Variants in GATB observed in about 807,000 individuals in gnomAD.
The protein encoded by GATB is glutamyl-tRNA(Gln) amidotransferase subunit B, mitochondrial.
In GATB, 39 loss-of-function variants were observed where a neutral mutation model predicts 62.3. The ratio of observed to expected loss-of-function variants is 0.63; its 90% CI spans 0.48 to 0.82. GATB has a LOEUF of 0.82. GATB is among the 40% of genes least tolerant of loss of function. GATB has a pLI of 0.00. For missense variants in GATB, 670 were observed against 684.0 expected (o/e 0.98, Z 0.23); for synonymous variants, 276 against 258.9 (o/e 1.07, Z -0.63).
At position 151,677,573 on chromosome 4, in the gene GATB, T is replaced by C. The variant is rs947507780; in HGVS notation, c.1410+2240A>G. On this transcript the variant is annotated intron_variant, in intron 11 of 12. Coordinates refer to ENST00000263985, the MANE Select transcript of GATB (RefSeq NM_004564.3). ...CAGCCTGTGTGCAAAAACTTGTACA[T>C]GAATGTTTAAGGCTGCATTATTCCT... 3 of 152,204 alleles carry C rather than the reference T, an allele frequency of 2.0e-5. No homozygotes were observed. The East Asian group carries it at 5.8e-4, about 29-fold the overall frequency. The allele number at this position is 152,204 out of a possible 1,614,324, so 9.4% of individuals were successfully genotyped here. A position where few individuals can be genotyped will look rare whatever the true frequency, so the allele number is the denominator to read the frequency against.
At chr4:151,722,027 C>A (rs1739041946) in intron 2 of GATB, 1 of 590,996 alleles carries the variant, frequency 1.7e-6, no homozygotes, top group East Asian at 2.8e-5. Context: ...GAATTATAAG[C>A]ATCAGTCATC....
chr4:151,700,886 C>T (rs1738588751), intron 9 of GATB, among the ~76,000 whole-genome samples: 1 of 152,202 alleles, frequency 6.6e-6, no homozygotes, highest in Non-Finnish European at 1.5e-5. Flanking sequence ...ATGTTTTCTT[C>T]TGAAATTGGC....
intron 12 of GATB, 26 bp downstream of exon 12, chr4:151,672,736 C>A: frequency 6.2e-7 from 1 of 1,610,376 alleles, no homozygotes. Flanking sequence ...CTGGCTCTGG[C>A]CCTCTCCCCT....
chr4:151,746,195 T>C (rs1329513198), intron 2 of GATB, among the ~76,000 whole-genome samples: 1 of 152,170 alleles, frequency 6.6e-6, no homozygotes, highest in Non-Finnish European at 1.5e-5. Context: ...AAAAAGTGAG[T>C]GTGTGTGTAT....
intron 2 of GATB, among the ~76,000 whole-genome samples, chr4:151,729,513 T>C (rs756814467): frequency 6.6e-6 from 1 of 152,156 alleles, no homozygotes; most frequent in Admixed American, 6.5e-5. Context: ...GTGATAATCA[T>C]ACTGTGATCA....
intron 4 of GATB, 107 bp from the exon 5 acceptor site, chr4:151,716,238 A>T: frequency 5.5e-6 from 6 of 1,081,296 alleles, no homozygotes; most frequent in African/African-American, 1.6e-5. Context: ...GGACTCTCAG[A>T]GTGGTTCTAG....
chr4:151,743,352 G>C (rs1739534220), intron 2 of GATB, among the ~76,000 whole-genome samples: 1 of 152,096 alleles, frequency 6.6e-6, no homozygotes, highest in Admixed American at 6.5e-5. Context: ...TCTCTCCCTA[G>C]GTTTAGATCT....
At chr4:151,737,165 T>G (rs906148206) in intron 2 of GATB, among the ~76,000 whole-genome samples, 6 of 152,226 alleles carry the variant, frequency 3.9e-5, no homozygotes, top group African/African-American at 1.4e-4. Flanking sequence ...TTGGAACTTC[T>G]TAGAGACTTG....
intron 2 of GATB, chr4:151,722,987 T>C (rs1282259602): frequency 6.6e-6 from 1 of 152,190 alleles, no homozygotes; most frequent in Non-Finnish European, 1.5e-5. Context: ...CAAGATGTAA[T>C]TTAAAAACTA....
intron 11 of GATB, chr4:151,676,655 A>G (rs1216599440): frequency 1.3e-5 from 2 of 152,274 alleles, no homozygotes; most frequent in Non-Finnish European, 1.5e-5. Context: ...TGCCACTTCA[A>G]TACACAGCCT....
intron 8 of GATB, among the ~76,000 whole-genome samples, chr4:151,702,897 T>G (rs965081002): frequency 6.6e-6 from 1 of 152,082 alleles, no homozygotes; most frequent in African/African-American, 2.4e-5. Context: ...CTTCTGTGAG[T>G]TAGTCTGGCT....
Position 151,711,863 on chromosome 4 carries a change from G to C in GATB, c.764-3762C>G, listed in dbSNP as rs1446143187. ...CATTTTCCTGAGCAATGAGTAAGCA[G>C]ACTGGTTTCTGTCTCACACTAGGTT... On this transcript the variant is annotated intron_variant, in intron 5 of 12. Transcript: ENST00000263985. Among the ~76,000 whole-genome samples the C allele has an allele frequency of 3.9e-5, 6 of 152,180 alleles. No homozygotes were observed. The East Asian group carries it at 7.7e-4, about 20-fold the overall frequency.
At chr4:151,712,226 T>C (rs959515146) in intron 5 of GATB, among the ~76,000 whole-genome samples, 3 of 152,216 alleles carry the variant, frequency 2.0e-5, no homozygotes, top group Admixed American at 2.0e-4. Flanking sequence ...CCAGCCTGGA[T>C]TCAAATGCAG....
chr4:151,731,852 T>C lies in GATB; in HGVS notation c.328-12314A>G, dbSNP rs1739262466. On this transcript the variant is annotated intron_variant, in intron 2 of 12. Transcript: ENST00000263985. ...CCCTCTGCCCGGCAGCCGCCCCATCTGAGAAGTGAGGAGCCCCTCCGCCCG... is the reference window on the plus strand; with the variant it reads ...CCCTCTGCCCGGCAGCCGCCCCATCCGAGAAGTGAGGAGCCCCTCCGCCCG... Among the ~76,000 whole-genome samples, 3 of 145,186 alleles carry C rather than the reference T, an allele frequency of 2.1e-5. No individual in the cohort carries two copies. The South Asian group carries it at 6.8e-4, about 33-fold the overall frequency.
intron 11 of GATB, chr4:151,676,710 A>C (rs901926170): frequency 6.6e-6 from 1 of 152,266 alleles, no homozygotes; most frequent in South Asian, 2.1e-4. Flanking sequence ...TACAGTTCCC[A>C]GGAGATAACT....
At chr4:151,731,456 G>A (rs540497660) in intron 2 of GATB, among the ~76,000 whole-genome samples, 3 of 152,138 alleles carry the variant, frequency 2.0e-5, no homozygotes, top group African/African-American at 7.2e-5. Flanking sequence ...GCGTGATCTC[G>A]GCTAGCTACA....
intron 5 of GATB, among the ~76,000 whole-genome samples, chr4:151,715,482 A>G (rs1193635188): frequency 6.6e-6 from 1 of 152,144 alleles, no homozygotes; most frequent in Non-Finnish European, 1.5e-5. Flanking sequence ...TGTTTCTTTT[A>G]TTTGTTTTAG....
intron 9 of GATB, among the ~76,000 whole-genome samples, chr4:151,696,195 C>T (rs1000722793): frequency 6.6e-6 from 1 of 152,144 alleles, no homozygotes; most frequent in Non-Finnish European, 1.5e-5. Flanking sequence ...TATTTTTTCA[C>T]TTGGAAAATA....
intron 2 of GATB, among the ~76,000 whole-genome samples, chr4:151,729,429 G>C (rs1739199465): frequency 6.6e-6 from 1 of 152,170 alleles, no homozygotes; most frequent in Admixed American, 6.5e-5. Flanking sequence ...GGACAATACT[G>C]AGACAACTGT....
Sources: allele counts gnomAD v4.1 joint callset (sites outside exome capture counted in the v4.1 genomes callset), GRCh38; gene constraint gnomAD v4.1.1; transcripts MANE v1.5; gene names NCBI Gene and HGNC (gene_info 2026-07-23, HGNC 2026-07-21).